Variants in GPBP1 observed in about 807,000 individuals in gnomAD.
The protein encoded by GPBP1 is GC-rich promoter binding protein 1.
GPBP1 carries 13 observed loss-of-function variants against 56.5 expected under a neutral mutation model. The ratio of observed to expected loss-of-function variants is 0.23; its 90% CI spans 0.15 to 0.37. The LOEUF is 0.37. Ranked by LOEUF, GPBP1 falls within the 10% of genes least tolerant of loss-of-function variation. The probability of loss-of-function intolerance (pLI) is 1.00; values close to 1 mark genes in which losing one functional copy is unlikely to be tolerated. For synonymous variants in GPBP1, 204 were observed against 188.9 expected (o/e 1.08, Z -0.66); for missense variants, 477 against 572.3 (o/e 0.83, Z 1.70).
chr5:57,250,976 A>G lies in GPBP1; in HGVS notation c.995A>G (p.His332Arg), dbSNP rs769676306. ...SEKDDDSFNLHNSNSTHQERD... is the reference protein window; with the variant it reads ...SEKDDDSFNLRNSNSTHQERD... Reference sequence around the variant, plus strand: ...CAGGATGACGACTCATTTAATTTACATAACAGCAATAGTACTCACCAAGAA... The same window carrying G: ...CAGGATGACGACTCATTTAATTTACGTAACAGCAATAGTACTCACCAAGAA... Residue 332 changes from histidine (H) to arginine (R), a missense_variant, in exon 10 of 12, where the codon CAT becomes CGT. Around this residue, in one of 2 missense-constraint regions of GPBP1, gnomAD observed 414 missense variants for 458.2 expected, o/e 0.90. Transcript: ENST00000506184. 4 of 1,591,742 alleles carry G rather than the reference A, an allele frequency of 2.5e-6. No individual in the cohort carries two copies. The highest frequency in any genetic ancestry group is 3.4e-6 in the Non-Finnish European group (4 of 1,171,536).
At chr5:57,252,191 G>T (rs1261854114) in intron 10 of GPBP1, among the ~76,000 whole-genome samples, 1 of 136,124 alleles carries the variant, frequency 7.3e-6, no homozygotes, top group East Asian at 2.1e-4. Flanking sequence ...GCCCAGACTG[G>T]TCTCAAGTGA....
intron 10 of GPBP1, among the ~76,000 whole-genome samples, chr5:57,257,451 A>G (rs1213848152): frequency 6.6e-6 from 1 of 152,218 alleles, no homozygotes; most frequent in Non-Finnish European, 1.5e-5. Context: ...TTATCAGGGT[A>G]TCGAGGTAGC....
At chr5:57,207,742 G>A (rs1018306885) in intron 2 of GPBP1, among the ~76,000 whole-genome samples, 3 of 152,180 alleles carry the variant, frequency 2.0e-5, no homozygotes, top group Non-Finnish European at 4.4e-5. Context: ...GATGGAGTGG[G>A]AGGGTGTTTT....
At chr5:57,225,589 G>A (rs906717468) in intron 3 of GPBP1, among the ~76,000 whole-genome samples, 1 of 150,558 alleles carries the variant, frequency 6.6e-6, no homozygotes, top group African/African-American at 2.4e-5. Context: ...TAAGAATTAA[G>A]ATTGCTAGAC....
chr5:57,194,702 C>T (rs146931042), intron 2 of GPBP1, among the ~76,000 whole-genome samples: 2,217 of 152,206 alleles, frequency 0.015, 31 homozygotes, highest in Middle Eastern at 0.027. Context: ...CATTATTCTC[C>T]TCTACCTGTG....
At chr5:57,207,900 C>T (rs1472958579) in intron 2 of GPBP1, among the ~76,000 whole-genome samples, 1 of 152,060 alleles carries the variant, frequency 6.6e-6, no homozygotes, top group Admixed American at 6.6e-5. Context: ...CCCTGGACAT[C>T]CAGCTATTTG....
At chr5:57,246,929 C>G in intron 7 of GPBP1, 146 bp from the exon 8 acceptor site, 1 of 513,372 alleles carries the variant, frequency 1.9e-6, no homozygotes, top group East Asian at 3.3e-5. Flanking sequence ...GGACAGAGAA[C>G]TATGTAGGAA....
chr5:57,188,729 C>T (rs149282562), intron 2 of GPBP1, among the ~76,000 whole-genome samples: 3 of 152,158 alleles, frequency 2.0e-5, no homozygotes, highest in African/African-American at 7.2e-5. Context: ...GGCGACAGAG[C>T]GAGACATTGT....
intron 3 of GPBP1, among the ~76,000 whole-genome samples, chr5:57,228,247 G>A (rs1756281946): frequency 6.6e-6 from 1 of 152,130 alleles, no homozygotes; most frequent in African/African-American, 2.4e-5. Context: ...ACAAGGTCAG[G>A]AGTTCGAGAC....
At chr5:57,225,084 T>C (rs1561353071) in intron 3 of GPBP1, among the ~76,000 whole-genome samples, 2 of 152,110 alleles carry the variant, frequency 1.3e-5, no homozygotes, top group Non-Finnish European at 2.9e-5. Context: ...TCACAGCTCT[T>C]GTACTTTAAA....
At chr5:57,229,230 C>A (rs13179797) in intron 3 of GPBP1, among the ~76,000 whole-genome samples, 2 of 77,424 alleles carry the variant, frequency 2.6e-5, no homozygotes, top group African/African-American at 5.0e-5. Context: ...GACTCCATCT[C>A]AAAAAAAAAA....
chr5:57,219,389 A>AC (rs1755834284), intron 3 of GPBP1, among the ~76,000 whole-genome samples: 2 of 56,884 alleles, frequency 3.5e-5, no homozygotes, highest in Non-Finnish European at 5.9e-5. Context: ...AAAAAAAAAA[A>AC]AAAAAAAAAA....
At chr5:57,207,796 C>T (rs923589206) in intron 2 of GPBP1, among the ~76,000 whole-genome samples, 9 of 152,120 alleles carry the variant, frequency 5.9e-5, no homozygotes, top group African/African-American at 1.9e-4. Context: ...CTCCTCTGAC[C>T]GCACCAGCCA....
At chr5:57,200,686 AACTT>A (rs1409785548) in intron 2 of GPBP1, among the ~76,000 whole-genome samples, 1 of 149,672 alleles carries the variant, frequency 6.7e-6, no homozygotes, top group Non-Finnish European at 1.5e-5. Flanking sequence ...TAAATAACAA[AACTT>A]ACTTTTGTAT....
At chr5:57,185,984 T>A (rs1754269001) in intron 2 of GPBP1, among the ~76,000 whole-genome samples, 1 of 152,088 alleles carries the variant, frequency 6.6e-6, no homozygotes, top group Non-Finnish European at 1.5e-5. Flanking sequence ...AATTGGGTTG[T>A]CTTAACGAAT....
rs1196227245 is a variant in GPBP1 at position 57,231,236 on chromosome 5, G to A, written c.326G>A (p.Gly109Glu). The stretch of plus-strand genomic sequence containing the variant: ...ATTTTCCATGCAGGAAAAAGCCAAG[G>A]ACTACATGAAAACAACATACCTGAC... ...SSIFHAGKSQGLHENNIPDNE... is the reference protein window; with the variant it reads ...SSIFHAGKSQELHENNIPDNE... The change falls in exon 5 of 12, where the codon GGA becomes GAA. Residue 109 changes from glycine (G) to glutamate (E), a missense_variant. Coordinates refer to ENST00000506184, the MANE Select transcript of GPBP1 (RefSeq NM_022913.4). The A allele has an allele frequency of 1.2e-6, 2 of 1,614,100 alleles. No homozygotes were observed. The highest frequency in any genetic ancestry group is 1.7e-6 in the Non-Finnish European group (2 of 1,179,994).
rs141014291 is a variant in GPBP1, at chr5:57,246,369, T to C, written c.548T>C (p.Leu183Ser). ...LVIKKGNTKD[L>S]QLSGFPVVGN... is the part of the protein sequence containing the mutation. ...ATTAAGAAAGGTAATACAAAAGACT[T>C]ACAGCTATCTGGATTCCCAGTAGTA... Residue 183 changes from leucine to serine, a missense_variant, in exon 7 of 12, where the codon TTA becomes TCA. Physicochemically the swap from Leu to Ser is moderately radical, Grantham distance 145. Around this residue, in one of 2 missense-constraint regions of GPBP1, gnomAD observed 414 missense variants for 458.2 expected, o/e 0.90. Transcript: ENST00000506184. 2.1e-4 allele frequency: 343 copies of C among 1,613,740 alleles called. 1 individual carries two copies. In the African/African-American group the frequency reaches 4.1e-3, roughly 20 times the overall value.
intron 6 of GPBP1, chr5:57,236,977 T>C (rs759933144): frequency 3.0e-5 from 20 of 662,680 alleles, no homozygotes; most frequent in Middle Eastern, 2.8e-4. Context: ...AATTATTTTG[T>C]TTTCTTTTGA....
chr5:57,221,364 A>G, intron 3 of GPBP1: 1 of 1,526,692 alleles, frequency 6.6e-7, no homozygotes, highest in East Asian at 2.5e-5. Flanking sequence ...TGATCTTATC[A>G]TTTGTTAATA....
Sources: allele counts gnomAD v4.1 joint callset (sites outside exome capture counted in the v4.1 genomes callset), GRCh38; gene constraint gnomAD v4.1.1; regional missense constraint gnomAD v4.1.1; transcripts MANE v1.5; gene names NCBI Gene and HGNC (gene_info 2026-07-23, HGNC 2026-07-21).